The following DLG2 variants were observed in gnomAD, a reference collection of about 807,000 sequenced individuals.
DLG2 encodes the protein discs large MAGUK scaffold protein 2, also known as disks large homolog 2.
A neutral mutation model predicts 132.5 loss-of-function variants in DLG2; 45 were observed. The observed-to-expected ratio is 0.34, with a 90% CI of 0.27 to 0.44. The LOEUF (loss-of-function observed/expected upper bound fraction) is 0.44. DLG2 is among the 20% of genes least tolerant of loss of function. The pLI, the probability that DLG2 is intolerant of heterozygous loss-of-function variation, is 1.00. For missense variants in DLG2, 1,045 were observed against 1,196.9 expected (o/e 0.87, Z 1.87); for synonymous variants, 424 against 419.6 (o/e 1.01, Z -0.13).
chr11:84,299,798 T>C lies in DLG2; in HGVS notation c.520-48507A>G, dbSNP rs537875563. On this transcript the variant is annotated intron_variant, in intron 7 of 27. Coordinates refer to ENST00000376104, the MANE Select transcript of DLG2 (RefSeq NM_001142699.3). ...CAGTCTTCAACCTATTTAACTGTTA[T>C]CATTCCATTCAGTCCTTCGAAAATA... Among the ~76,000 whole-genome samples the C allele has an allele frequency of 5.3e-5, 8 of 152,344 alleles. No homozygotes were observed. The East Asian group carries it at 9.7e-4, about 18-fold the overall frequency.
At chr11:83,544,672 T>C (rs1221264095) in intron 19 of DLG2, among the ~76,000 whole-genome samples, 7 of 152,120 alleles carry the variant, frequency 4.6e-5, no homozygotes, top group Non-Finnish European at 1.0e-4. Flanking sequence ...TATTAGGTGG[T>C]CTGGCACTTC....
At chr11:83,918,150 C>T (rs1316140077) in intron 15 of DLG2, among the ~76,000 whole-genome samples, 1 of 152,132 alleles carries the variant, frequency 6.6e-6, no homozygotes, top group African/African-American at 2.4e-5. Context: ...CATGGCATTC[C>T]ATGAAAGAGG....
intron 11 of DLG2, among the ~76,000 whole-genome samples, chr11:83,982,869 A>G (rs1248250319): frequency 1.3e-5 from 2 of 152,158 alleles, no homozygotes; most frequent in East Asian, 1.9e-4. Flanking sequence ...TAGATATGTT[A>G]AGTTACACAA....
At chr11:84,926,578 G>C (rs938617648) in intron 6 of DLG2, among the ~76,000 whole-genome samples, 1 of 151,880 alleles carries the variant, frequency 6.6e-6, no homozygotes, top group Non-Finnish European at 1.5e-5. Flanking sequence ...ACACTTGTAG[G>C]GAGAGGTGTG....
chr11:85,208,454 C>A (rs1178143639), intron 4 of DLG2, among the ~76,000 whole-genome samples: 1 of 127,788 alleles, frequency 7.8e-6, no homozygotes, highest in Non-Finnish European at 1.6e-5. Flanking sequence ...AAAAAAAAAA[C>A]AATTTCAATT....
intron 7 of DLG2, among the ~76,000 whole-genome samples, chr11:84,499,771 A>T (rs116096076): frequency 4.6e-5 from 7 of 151,900 alleles, no homozygotes; most frequent in East Asian, 1.9e-4. Flanking sequence ...TCTCTCTCAC[A>T]TGCACACACA....
chr11:84,791,782 T>C (rs2073882765), intron 6 of DLG2, among the ~76,000 whole-genome samples: 1 of 152,204 alleles, frequency 6.6e-6, no homozygotes, highest in African/African-American at 2.4e-5. Context: ...GTATGTTGAT[T>C]TTGTATTCTT....
At chr11:85,559,712 C>A (rs776431750) in intron 3 of DLG2, among the ~76,000 whole-genome samples, 5 of 151,458 alleles carry the variant, frequency 3.3e-5, no homozygotes, top group African/African-American at 4.8e-5. Context: ...AATTTAAGCA[C>A]TGAAGTTGCT....
intron 6 of DLG2, among the ~76,000 whole-genome samples, chr11:84,838,207 C>G (rs1351623478): frequency 6.6e-6 from 1 of 151,832 alleles, no homozygotes; most frequent in African/African-American, 2.4e-5. Context: ...ATTACCATGA[C>G]ATGAACCTCC....
chr11:85,050,399 G>C (rs1035252502), intron 6 of DLG2, among the ~76,000 whole-genome samples: 4 of 152,010 alleles, frequency 2.6e-5, no homozygotes, highest in Non-Finnish European at 4.4e-5. Flanking sequence ...CGTTTCTTTA[G>C]GCCTTACCTA....
intron 11 of DLG2, among the ~76,000 whole-genome samples, chr11:84,012,360 G>A (rs2094933873): frequency 6.6e-6 from 1 of 152,066 alleles, no homozygotes; most frequent in African/African-American, 2.4e-5. Flanking sequence ...ACAGAAGCAG[G>A]GAGTCAAGCT....
chr11:85,621,217 GA>G (rs35568778), intron 2 of DLG2, among the ~76,000 whole-genome samples: 56,430 of 141,062 alleles, frequency 0.4, 11,169 homozygotes, highest in African/African-American at 0.5. Flanking sequence ...CTACTACTCA[GA>G]AAAAAAAAAA....
At chr11:84,389,184 G>T (rs979600097) in intron 7 of DLG2, among the ~76,000 whole-genome samples, 1 of 151,892 alleles carries the variant, frequency 6.6e-6, no homozygotes, top group Non-Finnish European at 1.5e-5. Context: ...CAATATAAAG[G>T]GTATTTCATT....
chr11:83,598,608 G>A lies in DLG2; in HGVS notation c.1940+34603C>T, dbSNP rs530535352. Among the ~76,000 whole-genome samples, 3 of 152,226 alleles carry A rather than the reference G, an allele frequency of 2.0e-5. No homozygotes were observed. The East Asian group carries it at 5.8e-4, about 29-fold the overall frequency. ...GCAGGTTATTTTGAGGCTAAATGAG[G>A]TAATATACTGATAGAGACCCTTTAA... On this transcript the variant is annotated intron_variant, in intron 19 of 27. Coordinates refer to ENST00000376104, the MANE Select transcript of DLG2 (RefSeq NM_001142699.3).
At chr11:85,101,827 T>G (rs1439787452) in intron 6 of DLG2, among the ~76,000 whole-genome samples, 1 of 152,098 alleles carries the variant, frequency 6.6e-6, no homozygotes, top group African/African-American at 2.4e-5. Context: ...TAGCAACCCC[T>G]TAAAGAAAGC....
intron 3 of DLG2, among the ~76,000 whole-genome samples, chr11:85,444,429 G>A (rs2091918844): frequency 6.6e-6 from 1 of 152,110 alleles, no homozygotes; most frequent in Non-Finnish European, 1.5e-5. Context: ...TTTGTTTTCA[G>A]GATAATACAC....
chr11:85,218,836 TTAGA>T (rs1387062009), intron 4 of DLG2, among the ~76,000 whole-genome samples: 3 of 152,098 alleles, frequency 2.0e-5, no homozygotes, highest in African/African-American at 7.2e-5. Context: ...CCATGGGAGA[TTAGA>T]TAAAGAAAAT....
chr11:83,739,952 G>C (rs1170830348), intron 18 of DLG2, among the ~76,000 whole-genome samples: 2 of 152,152 alleles, frequency 1.3e-5, no homozygotes, highest in African/African-American at 4.8e-5. Context: ...CCTCTGAGGA[G>C]AGCAAATTTT....
chr11:85,362,849 T>A (rs989105887), intron 3 of DLG2, among the ~76,000 whole-genome samples: 1 of 152,214 alleles, frequency 6.6e-6, no homozygotes, highest in African/African-American at 2.4e-5. Context: ...ACTTTGAGCA[T>A]GTCAAGGACA....
Sources: gnomAD v4.1 joint callset for allele counts (sites outside exome capture counted in the v4.1 genomes callset) on GRCh38, gnomAD v4.1.1 for gene constraint, MANE v1.5 for transcripts, NCBI Gene and HGNC (gene_info 2026-07-23, HGNC 2026-07-21) for gene names.